The following KDM6A variants were observed in gnomAD, a reference collection of about 807,000 sequenced individuals.
KDM6A encodes lysine-specific demethylase 6A.
In KDM6A, 11 loss-of-function variants were observed where a neutral mutation model predicts 117.6. The observed-to-expected ratio is 0.09, with a 90% confidence interval of 0.06 to 0.15. The LOEUF is 0.15. KDM6A is among the 10% of genes least tolerant of loss of function. The pLI is 1.00. For synonymous variants in KDM6A, 384 were observed against 396.1 expected (o/e 0.97, Z 0.36); for missense variants, 799 against 1,077.3 (o/e 0.74, Z 3.62).
At chrX:44,972,051 G>A (rs1014858852) in intron 3 of KDM6A, among the ~76,000 whole-genome samples, 1 of 110,503 alleles carries the variant, frequency 9.0e-6, no homozygotes, top group Non-Finnish European at 1.9e-5. Context: ...TTTTTGGGGC[G>A]GTTTGTCCCT....
intron 2 of KDM6A, among the ~76,000 whole-genome samples, chrX:44,909,571 C>T (rs749997688): frequency 3.6e-5 from 4 of 111,019 alleles, no homozygotes; most frequent in Non-Finnish European, 7.5e-5. Flanking sequence ...TGTATAGTCA[C>T]CTATAGATAA....
At chrX:45,075,312 A>G (rs954974273) in intron 18 of KDM6A, among the ~76,000 whole-genome samples, 1 of 111,444 alleles carries the variant, frequency 9.0e-6, no homozygotes, top group Non-Finnish European at 1.9e-5. Flanking sequence ...GAGTTTATAA[A>G]TTGGTACCAA....
chrX:44,938,679 A>G (rs1220435711), intron 2 of KDM6A, among the ~76,000 whole-genome samples: 1 of 112,520 alleles, frequency 8.9e-6, no homozygotes, highest in East Asian at 2.8e-4. Context: ...CTTCTGTTGG[A>G]AGAAGATGCC....
chrX:44,957,330 A>C (rs147812543), intron 2 of KDM6A, among the ~76,000 whole-genome samples: 2,586 of 111,822 alleles, frequency 0.023, 46 homozygotes, highest in Non-Finnish European at 0.037. Flanking sequence ...GCATATATTT[A>C]ACAATTCTAA....
intron 8 of KDM6A, among the ~76,000 whole-genome samples, chrX:45,041,157 G>A (rs1457735025): frequency 1.2e-5 from 1 of 82,324 alleles, no homozygotes; most frequent in Non-Finnish European, 2.3e-5. Context: ...GGACGGGGCG[G>A]CTGGCCGGGC....
chrX:44,877,751 CTT>C (rs771932931), intron 2 of KDM6A, among the ~76,000 whole-genome samples: 86 of 110,258 alleles, frequency 7.8e-4, no homozygotes, highest in African/African-American at 2.6e-3. Flanking sequence ...CTTAAATACT[CTT>C]ATTGGAAATT....
intron 2 of KDM6A, among the ~76,000 whole-genome samples, chrX:44,923,270 C>T (rs2036082951): frequency 9.0e-6 from 1 of 110,705 alleles, no homozygotes; most frequent in South Asian, 3.8e-4. Flanking sequence ...GCTCCTTGGG[C>T]ATGTGGGTTT....
chrX:44,877,772 AATTCT>A (rs1354718872), intron 2 of KDM6A, among the ~76,000 whole-genome samples: 3 of 110,916 alleles, frequency 2.7e-5, no homozygotes, highest in Non-Finnish European at 3.8e-5. Flanking sequence ...TTTTTTTGGT[AATTCT>A]ATTAGTAGAA....
intron 27 of KDM6A, among the ~76,000 whole-genome samples, chrX:45,091,183 G>C (rs1019399680): frequency 9.0e-6 from 1 of 111,057 alleles, no homozygotes; most frequent in African/African-American, 3.3e-5. Flanking sequence ...ATAACTTGAG[G>C]GGAAAATGGC....
At chrX:45,088,038 G>T (rs890629232) in intron 25 of KDM6A, among the ~76,000 whole-genome samples, 2 of 110,683 alleles carry the variant, frequency 1.8e-5, no homozygotes, top group Admixed American at 1.9e-4. Flanking sequence ...ATGCTTTTTG[G>T]TAAGTTTGAT....
intron 6 of KDM6A, among the ~76,000 whole-genome samples, chrX:45,026,566 G>A (rs1413998816): frequency 9.1e-6 from 1 of 109,799 alleles, no homozygotes; most frequent in African/African-American, 3.3e-5. Context: ...AGTGGCTCAC[G>A]CCTGTAATCC....
At position 45,089,948 on chromosome X, in the gene KDM6A, C is replaced by G. The variant is rs377226859; in HGVS notation, c.3892+18C>G. 3.4e-6 allele frequency: 4 copies of G among 1,178,643 alleles called. No individual in the cohort carries two copies. In the African/African-American group the frequency reaches 5.3e-5, roughly 16 times the overall value. On this transcript the variant is annotated intron_variant, in intron 26 of 29. Transcript: ENST00000611820. ...ACTTACAGGTATTATAAAGAATATG[C>G]TTTAAAAAAGTTAATTTATAAAGGA...
chrX:44,992,284 G>A (rs745405693), intron 4 of KDM6A, among the ~76,000 whole-genome samples: 1 of 82,395 alleles, frequency 1.2e-5, no homozygotes, highest in African/African-American at 4.7e-5. Context: ...GAGTGCAATG[G>A]TGCGATCTCG....
In KDM6A at chrX:44,873,313, C is replaced by A; in HGVS notation, c.-239C>A. ...TGTGGCTGCCCCCTGCCCAACCCCGCGATGTGACCCTACAGCCGAAAGCCG... is the reference window on the plus strand; with the variant it reads ...TGTGGCTGCCCCCTGCCCAACCCCGAGATGTGACCCTACAGCCGAAAGCCG... On this transcript the variant is annotated 5_prime_UTR_variant, in exon 1 of 30. Coordinates refer to ENST00000611820, the MANE Select transcript of KDM6A (RefSeq NM_001291415.2). 1 of 406,507 alleles carries A rather than the reference C, an allele frequency of 2.5e-6. No individual in the cohort carries two copies. The highest frequency in any genetic ancestry group is 6.9e-4 in the Middle Eastern group (1 of 1,454). The allele number at this position is 406,507 out of a possible 1,213,427, so 33.5% of individuals were successfully genotyped here.
At chrX:45,079,497 GTATA>G (rs1208941719) in intron 21 of KDM6A, 146 bp downstream of exon 21, 236 of 442,169 alleles carry the variant, frequency 5.3e-4, no homozygotes, top group East Asian at 4.1e-3. Flanking sequence ...TGTCTCGTAT[GTATA>G]TATGTATGTA....
chrX:44,948,855 G>GA (rs1184099606), intron 2 of KDM6A, among the ~76,000 whole-genome samples: 2 of 111,821 alleles, frequency 1.8e-5, no homozygotes, highest in African/African-American at 6.5e-5. Flanking sequence ...ACCGCTGGTG[G>GA]AAGGTTATAT....
At chrX:45,091,085 G>A (rs1449301401) in intron 27 of KDM6A, among the ~76,000 whole-genome samples, 1 of 111,047 alleles carries the variant, frequency 9.0e-6, no homozygotes, top group African/African-American at 3.3e-5. Flanking sequence ...AACCAGTAGA[G>A]TCACAGACCT....
intron 21 of KDM6A, among the ~76,000 whole-genome samples, chrX:45,079,770 TCCTGACCTCAAG>T (rs1343062601): frequency 1.8e-5 from 2 of 112,138 alleles, no homozygotes; most frequent in South Asian, 7.3e-4. Flanking sequence ...GGTCTCGAAC[TCCTGACCTCAAG>T]TGATCCGCCT....
At chrX:44,974,079 T>C (rs1442345269) in intron 3 of KDM6A, among the ~76,000 whole-genome samples, 1 of 111,462 alleles carries the variant, frequency 9.0e-6, no homozygotes, top group African/African-American at 3.3e-5. Flanking sequence ...AATTCTTAGC[T>C]GTCCATATTT....
Sources: gnomAD v4.1 joint callset for allele counts (sites outside exome capture counted in the v4.1 genomes callset) on GRCh38, gnomAD v4.1.1 for gene constraint, MANE v1.5 for transcripts, NCBI Gene and HGNC (gene_info 2026-07-23, HGNC 2026-07-21) for gene names.